Variants in CDK13 observed in about 807,000 individuals in gnomAD.
The protein encoded by CDK13 is cyclin dependent kinase 13, also known as cyclin-dependent kinase 13.
In CDK13, 40 loss-of-function variants were observed where a neutral mutation model predicts 137.6. The observed-to-expected ratio is 0.29, with a 90% CI of 0.23 to 0.38. The LOEUF is 0.38. Ranked by LOEUF, CDK13 falls within the 10% of genes least tolerant of loss-of-function variation. CDK13 has a pLI of 1.00. For missense variants in CDK13, 1,704 were observed against 1,951.8 expected (o/e 0.87, Z 2.39); for synonymous variants, 869 against 760.1 (o/e 1.14, Z -2.36).
At chr7:40,018,399 AG>A (rs148848835) in intron 5 of CDK13, among the ~76,000 whole-genome samples, 21,522 of 152,104 alleles carry the variant, frequency 0.14, 5,043 homozygotes, top group African/African-American at 0.49. Context: ...TGGAAACATA[AG>A]GGAAGTAGTC....
chr7:39,992,147 T>G (rs553191374), intron 2 of CDK13, among the ~76,000 whole-genome samples: 2 of 144,768 alleles, frequency 1.4e-5, no homozygotes, highest in Non-Finnish European at 3.0e-5. Context: ...TCTAGTTGTT[T>G]AAGAGAACTA....
chr7:39,968,405 C>T (rs1033565275), intron 1 of CDK13, among the ~76,000 whole-genome samples: 1 of 152,084 alleles, frequency 6.6e-6, no homozygotes. Flanking sequence ...AGTTTTCCCA[C>T]CCCTGTTTAT....
intron 1 of CDK13, among the ~76,000 whole-genome samples, chr7:39,968,671 G>A (rs559351426): frequency 6.6e-6 from 1 of 152,308 alleles, no homozygotes; most frequent in African/African-American, 2.4e-5. Context: ...GTCTCTGTTT[G>A]TATGCCAGTA....
chr7:40,022,134 G>A (rs1785140763), intron 5 of CDK13, among the ~76,000 whole-genome samples: 1 of 152,198 alleles, frequency 6.6e-6, no homozygotes, highest in Non-Finnish European at 1.5e-5. Context: ...TTCAGCATTC[G>A]AAGGTTTGAG....
At chr7:40,042,769 C>T (rs978673335) in intron 5 of CDK13, among the ~76,000 whole-genome samples, 13 of 149,958 alleles carry the variant, frequency 8.7e-5, no homozygotes, top group African/African-American at 1.2e-4. Context: ...TGTGAGCCAC[C>T]GTGCTCCAGC....
intron 11 of CDK13, among the ~76,000 whole-genome samples, chr7:40,084,789 C>G (rs1480050283): frequency 6.6e-6 from 1 of 152,158 alleles, no homozygotes; most frequent in East Asian, 1.9e-4. Flanking sequence ...TGTTAACATA[C>G]AGTACTACCC....
chr7:40,077,111 A>C (rs1786563271), intron 9 of CDK13, among the ~76,000 whole-genome samples: 1 of 152,224 alleles, frequency 6.6e-6, no homozygotes, highest in Non-Finnish European at 1.5e-5. Context: ...GATACAGATA[A>C]ACGAGAGTAA....
chr7:39,985,023 T>A (rs988344366), intron 1 of CDK13: 4 of 150,052 alleles, frequency 2.7e-5, no homozygotes, highest in African/African-American at 4.9e-5. Context: ...AGAAAAAAAA[T>A]GTGACTATAG....
At chr7:40,044,615 G>A (rs747384231) in intron 5 of CDK13, among the ~76,000 whole-genome samples, 1 of 151,302 alleles carries the variant, frequency 6.6e-6, no homozygotes, top group Non-Finnish European at 1.5e-5. Context: ...CACAGCGCCC[G>A]GCTGTCTTTT....
In CDK13 at chr7:40,093,286, A is replaced by C. The variant is rs370102170; in HGVS notation, c.3688+49A>C. The C allele has an allele frequency of 7.1e-6, 10 of 1,418,198 alleles. No individual in the cohort carries two copies. In the African/African-American group the frequency reaches 1.3e-4, roughly 18 times the overall value. 87.9% of individuals were successfully genotyped at this position (1,418,198 alleles called of 1,614,324 possible). ...CTAACACAGCTGCATTACATTGTCT[A>C]CTCAGTGTTGCTGACTATATATAAT... On this transcript the variant is annotated intron_variant, in intron 13 of 13. Coordinates refer to ENST00000181839, the MANE Select transcript of CDK13 (RefSeq NM_003718.5).
intron 1 of CDK13, among the ~76,000 whole-genome samples, chr7:39,970,982 A>G (rs1282571422): frequency 6.6e-6 from 1 of 152,186 alleles, no homozygotes; most frequent in Non-Finnish European, 1.5e-5. Flanking sequence ...TATGTCTGAT[A>G]AAGTCTCCAT....
intron 13 of CDK13, 69 bp from the exon 14 acceptor site, chr7:40,094,059 AAC>A: frequency 1.3e-6 from 2 of 1,527,804 alleles, no homozygotes; most frequent in South Asian, 1.3e-5. Context: ...ACCTACAGGA[AAC>A]ACTGAGTATT....
chr7:40,051,540 T>C (rs1181258578), intron 7 of CDK13, among the ~76,000 whole-genome samples: 1 of 152,246 alleles, frequency 6.6e-6, no homozygotes, highest in African/African-American at 2.4e-5. Flanking sequence ...CATGCAAGTA[T>C]AAAGTCACTT....
intron 1 of CDK13, among the ~76,000 whole-genome samples, chr7:39,958,118 A>G (rs986097819): frequency 1.3e-5 from 2 of 152,154 alleles, no homozygotes; most frequent in Non-Finnish European, 2.9e-5. Flanking sequence ...GGAAAGTAAA[A>G]TTGATGTACA....
intron 7 of CDK13, 28 bp from the exon 8 acceptor site, chr7:40,062,796 ACT>A (rs1786183835): frequency 7.0e-7 from 1 of 1,437,558 alleles, no homozygotes. Flanking sequence ...ACAAATACTA[ACT>A]CTAAAGACTG....
At chr7:40,055,962 C>T (rs558557069) in intron 7 of CDK13, among the ~76,000 whole-genome samples, 3 of 152,258 alleles carry the variant, frequency 2.0e-5, no homozygotes, top group East Asian at 3.9e-4. Context: ...CTTTAAATTT[C>T]CTGGAACCAA....
chr7:40,000,562 T>C (rs1203794475), intron 4 of CDK13, among the ~76,000 whole-genome samples: 1 of 152,018 alleles, frequency 6.6e-6, no homozygotes, highest in Non-Finnish European at 1.5e-5. Flanking sequence ...AACAAATAGA[T>C]TAAAATAGCA....
chr7:40,057,698 T>C (rs1045917971), intron 7 of CDK13, among the ~76,000 whole-genome samples: 6 of 152,230 alleles, frequency 3.9e-5, no homozygotes, highest in African/African-American at 1.4e-4. Context: ...ATGTAGGTAC[T>C]TATAGGACTT....
intron 1 of CDK13, among the ~76,000 whole-genome samples, chr7:39,975,649 G>T (rs1472813117): frequency 6.6e-6 from 1 of 152,146 alleles, no homozygotes; most frequent in Non-Finnish European, 1.5e-5. Context: ...GAGAGAGCCC[G>T]CCATGTGATG....
Sources: gnomAD v4.1 joint callset for allele counts (sites outside exome capture counted in the v4.1 genomes callset) on GRCh38, gnomAD v4.1.1 for gene constraint, MANE v1.5 for transcripts, NCBI Gene and HGNC (gene_info 2026-07-23, HGNC 2026-07-21) for gene names.